The following OPRM1 variants were observed in gnomAD, a reference collection of about 807,000 sequenced individuals.
OPRM1 encodes opioid receptor mu 1.
OPRM1 carries 27 observed loss-of-function variants against 31.8 expected under a neutral mutation model. The observed-to-expected ratio is 0.85, with a 90% CI of 0.63 to 1.17. The LOEUF (loss-of-function observed/expected upper bound fraction) is 1.17, where lower values mean the gene tolerates loss of function less well. Among genes scored for constraint, OPRM1 ranks in the 50% most tolerant of loss-of-function variants. OPRM1 has a pLI of 0.00. For missense variants in OPRM1, 536 were observed against 511.1 expected (o/e 1.05, Z -0.47); for synonymous variants, 196 against 189.9 (o/e 1.03, Z -0.26).
At chr6:154,106,263 T>C (rs1349870718) in intron 3 of OPRM1, among the ~76,000 whole-genome samples, 1 of 152,230 alleles carries the variant, frequency 6.6e-6, no homozygotes, top group African/African-American at 2.4e-5. Context: ...TCTTTAGTAG[T>C]TTTAATTACA....
intron 3 of OPRM1, among the ~76,000 whole-genome samples, chr6:154,198,064 C>T (rs1776764162): frequency 6.6e-6 from 1 of 152,080 alleles, no homozygotes; most frequent in African/African-American, 2.4e-5. Context: ...ACACAATAGG[C>T]AATCAATATT....
At position 154,145,207 on chromosome 6, in the gene OPRM1, T is replaced by C. The variant is rs186187681; in HGVS notation, c.1164+53735T>C. Among the ~76,000 whole-genome samples, 4 of 152,274 alleles carry C rather than the reference T, an allele frequency of 2.6e-5. No homozygotes were observed. The East Asian group carries it at 7.7e-4, about 29-fold the overall frequency. Reference sequence around the variant, plus strand: ...AAGGAAACAAACCAACAAACTTCTGTTGGCAGATGACATGACTGTGATTAT... The same window carrying C: ...AAGGAAACAAACCAACAAACTTCTGCTGGCAGATGACATGACTGTGATTAT... On this transcript the variant is annotated intron_variant, in intron 3 of 3. Transcript: ENST00000337049.
At chr6:154,089,797 A>T in intron 1 of OPRM1, 29 bp from the exon 2 acceptor site, 1 of 1,496,496 alleles carries the variant, frequency 6.7e-7, no homozygotes, top group Non-Finnish European at 9.2e-7. Context: ...TCTTTTACTG[A>T]TTCTCACTCT....
chr6:154,026,215 TA>T (rs1009452545), intron 1 of OPRM1, among the ~76,000 whole-genome samples: 5 of 149,044 alleles, frequency 3.4e-5, no homozygotes, highest in Non-Finnish European at 7.4e-5. Context: ...AGAAATAGGG[TA>T]AATTTTTTTT....
At chr6:154,223,144 T>C in intron 3 of OPRM1, 1 of 1,574,424 alleles carries the variant, frequency 6.4e-7, no homozygotes, top group East Asian at 2.2e-5. Context: ...GGCTCAGAGT[T>C]TTGTGGAAGA....
chr6:154,208,243 C>T (rs1480648027), intron 3 of OPRM1, among the ~76,000 whole-genome samples: 2 of 152,150 alleles, frequency 1.3e-5, no homozygotes, highest in African/African-American at 4.8e-5. Context: ...CACCCCGCGT[C>T]AGCCACAGAG....
intron 3 of OPRM1, among the ~76,000 whole-genome samples, chr6:154,173,410 C>T (rs1226146822): frequency 6.6e-6 from 1 of 151,892 alleles, no homozygotes; most frequent in African/African-American, 2.4e-5. Flanking sequence ...TGCAAGGATG[C>T]TAAAAACCTT....
chr6:154,116,324 T>G (rs575492620), intron 3 of OPRM1, among the ~76,000 whole-genome samples: 4 of 152,114 alleles, frequency 2.6e-5, no homozygotes, highest in Non-Finnish European at 1.5e-5. Flanking sequence ...TGGTGCCTCA[T>G]GCCTGTAATC....
At chr6:154,087,369 T>C in intron 1 of OPRM1, 1 of 985,448 alleles carries the variant, frequency 1.0e-6, no homozygotes, top group Non-Finnish European at 1.2e-6. Context: ...TTGGGCTGAA[T>C]GAGTTAGACT....
intron 1 of OPRM1, among the ~76,000 whole-genome samples, chr6:154,021,553 T>A (rs1275514809): frequency 6.6e-6 from 1 of 152,190 alleles, no homozygotes; most frequent in African/African-American, 2.4e-5. Flanking sequence ...TGGGAAGAAG[T>A]GATGTCTTGA....
chr6:154,039,449 C>G lies in OPRM1; in HGVS notation c.-96C>G. ...CTGTAAGAAACAGCAGGAGCTGTGG[C>G]AGCGGCGAAAGGAAGCGGCTGAGGC... is the stretch of plus-strand genomic sequence containing the variant. On this transcript the variant is annotated 5_prime_UTR_variant, in exon 1 of 4. Transcript: ENST00000330432. The G allele has an allele frequency of 2.6e-6, 4 of 1,552,040 alleles. No homozygotes were observed. The highest frequency in any genetic ancestry group is 3.5e-6 in the Non-Finnish European group (4 of 1,147,206).
intron 1 of OPRM1, among the ~76,000 whole-genome samples, chr6:154,015,054 A>G: frequency 6.6e-6 from 1 of 152,240 alleles, no homozygotes; most frequent in Non-Finnish European, 1.5e-5. Context: ...ACAAATGAAA[A>G]GATATGCCAT....
rs1416266640 is a variant in OPRM1 at position 154,110,314 on chromosome 6, A to G, written c.1165-8369A>G. 3 of 990,116 alleles carry G rather than the reference A, an allele frequency of 3.0e-6. No individual in the cohort carries two copies. The African/African-American group carries it at 4.8e-5, about 16-fold the overall frequency. The allele number at this position is 990,116 out of a possible 1,614,324, so 61.3% of individuals were successfully genotyped here. A position where few individuals can be genotyped will look rare whatever the true frequency, so the allele number is the denominator to read the frequency against. ...TACATTGCTAAGAATAAGCATTATA[A>G]TTGGTACATTGTTCTGTTTTTGAAT... On this transcript the variant is annotated intron_variant, in intron 3 of 3. Transcript: ENST00000330432.
chr6:154,066,112 T>A (rs192327071), intron 1 of OPRM1, among the ~76,000 whole-genome samples: 14 of 152,322 alleles, frequency 9.2e-5, no homozygotes, highest in Admixed American at 9.2e-4. Flanking sequence ...ATTCCAGAAA[T>A]AAATCCCAGT....
chr6:154,133,750 T>A (rs969388859), downstream of OPRM1, among the ~76,000 whole-genome samples: 15 of 152,246 alleles, frequency 9.9e-5, no homozygotes, highest in African/African-American at 3.6e-4. Flanking sequence ...ATCTGTCCAT[T>A]CTGTTTTAGA....
At chr6:154,034,661 G>C (rs1208838505), upstream of OPRM1, among the ~76,000 whole-genome samples, 3 of 152,082 alleles carry the variant, frequency 2.0e-5, no homozygotes, top group Non-Finnish European at 2.9e-5. Context: ...AATAAGAAAA[G>C]CTTTTTGGAT....
intron 3 of OPRM1, among the ~76,000 whole-genome samples, chr6:154,169,771 C>A (rs1799727709): frequency 6.6e-6 from 1 of 152,224 alleles, no homozygotes. Context: ...AGGCCAATGG[C>A]AGTTCCACCA....
rs745364509 is a variant in OPRM1, at chr6:154,168,084, T to C, written c.1164+76612T>C. ...TCTAATGATTTGTACAGCTTCTCCA[T>C]TTCATCATCTTCAGACACTTTTGTC... On this transcript the variant is annotated intron_variant, in intron 3 of 3. Coordinates refer to the OPRM1 transcript ENST00000337049. This position sits in a 1 kb window ranked among gnomAD's most constrained non-coding sequence, Gnocchi z 4.1. 1 of 1,567,838 alleles carries C rather than the reference T, an allele frequency of 6.4e-7. No homozygotes were observed. The highest frequency in any genetic ancestry group is 8.7e-7 in the Non-Finnish European group (1 of 1,149,212).
At chr6:154,133,091 A>G (rs942929716), downstream of OPRM1, among the ~76,000 whole-genome samples, 5 of 150,368 alleles carry the variant, frequency 3.3e-5, no homozygotes, top group Admixed American at 1.3e-4. Flanking sequence ...ACTGCACTCC[A>G]GCCTGGGCGA....
Sources: gnomAD v4.1 joint callset for allele counts (sites outside exome capture counted in the v4.1 genomes callset) on GRCh38, gnomAD v4.1.1 for gene constraint, Gnocchi (gnomAD v3.1) non-coding constraint, MANE v1.5 for transcripts, NCBI Gene and HGNC (gene_info 2026-07-23, HGNC 2026-07-21) for gene names.